Variants in ENPP2 observed in about 807,000 individuals in gnomAD.
The protein encoded by ENPP2 is ectonucleotide pyrophosphatase/phosphodiesterase 2.
ENPP2 carries 51 observed loss-of-function variants against 120.2 expected under a neutral mutation model. The observed-to-expected ratio is 0.42, with a 90% CI of 0.34 to 0.54. ENPP2 has a LOEUF of 0.54. ENPP2 is among the 20% of genes least tolerant of loss of function. ENPP2 has a pLI of 0.04. For missense variants in ENPP2, 920 were observed against 1,066.5 expected, an observed-to-expected ratio of 0.86 and a Z score of 1.91; for synonymous variants, 365 against 366.4, an observed-to-expected ratio of 1.00 and a Z score of 0.04.
exon 1 of ENPP2, chr8:119,673,363 G>C: frequency 6.9e-7 from 1 of 1,455,564 alleles, no homozygotes; most frequent in Non-Finnish European, 9.3e-7. Context: ...GCTCGGGACG[G>C]CTGCTGCGGA....
chr8:119,646,600 T>C (rs916827878), intron 1 of ENPP2, among the ~76,000 whole-genome samples: 1 of 152,188 alleles, frequency 6.6e-6, no homozygotes, highest in Non-Finnish European at 1.5e-5. Context: ...TGTGAGACCT[T>C]ATATGACCCT....
In ENPP2 at chr8:119,606,646, C is replaced by T. The variant is rs149286681; in HGVS notation, c.833+1276G>A. Among the ~76,000 whole-genome samples, 1,485 of 151,186 alleles carry T rather than the reference C, an allele frequency of 9.8e-3. 19 individuals are homozygous for T. The highest frequency in any genetic ancestry group is 0.034 in the African/African-American group (1,395 of 41,218). On this transcript the variant is annotated intron_variant, in intron 9 of 24. Coordinates refer to ENST00000075322, the MANE Select transcript of ENPP2 (RefSeq NM_001040092.3). ...GAAAGAAAGAAATCTCTTAAAGGGACAGTGTGTGCTAGATTCAAATCACCA... is the reference window on the plus strand; with the variant it reads ...GAAAGAAAGAAATCTCTTAAAGGGATAGTGTGTGCTAGATTCAAATCACCA...
chr8:119,643,636 A>C (rs1198031294), upstream of ENPP2, among the ~76,000 whole-genome samples: 1 of 152,254 alleles, frequency 6.6e-6, no homozygotes. Flanking sequence ...AGCTTCTACA[A>C]GGTACCAAGC....
chr8:119,567,924 T>A (rs1814613814), intron 22 of ENPP2, among the ~76,000 whole-genome samples: 1 of 152,214 alleles, frequency 6.6e-6, no homozygotes, highest in East Asian at 1.9e-4. Flanking sequence ...AATTTCTTAA[T>A]TATAAACCGG....
At chr8:119,581,972 A>G (rs1812776988) in intron 18 of ENPP2, among the ~76,000 whole-genome samples, 1 of 151,964 alleles carries the variant, frequency 6.6e-6, no homozygotes, top group Non-Finnish European at 1.5e-5. Context: ...ACCTCAATTC[A>G]TCCACCCATC....
intron 1 of ENPP2, among the ~76,000 whole-genome samples, chr8:119,644,934 G>A (rs888269411): frequency 1.3e-5 from 2 of 151,828 alleles, no homozygotes. Context: ...CCACATGAAG[G>A]TTTTCATTTT....
rs773569075 is a variant in ENPP2, at chr8:119,616,272, C to A, written c.770G>T (p.Gly257Val). ...REKFNHRWWG[G>V]QPLWITATKQ... is the part of the protein sequence containing the mutation. ...AATAAATGCAAAACTTACCGGTTGA[C>A]CTCCCCACCATCTATGATTAAATTT... The change falls in exon 8 of 25, where the codon GGT becomes GTT. Residue 257 changes from glycine (G) to valine (V), a missense_variant. Gly to Val is a moderately radical substitution (Grantham distance 109). Transcript: ENST00000075322. 1 of 1,601,278 alleles carries A rather than the reference C, an allele frequency of 6.2e-7. No homozygotes were observed. The highest frequency in any genetic ancestry group is 8.5e-7 in the Non-Finnish European group (1 of 1,171,218).
chr8:119,611,343 A>G (rs1234945979), intron 8 of ENPP2, among the ~76,000 whole-genome samples: 1 of 152,206 alleles, frequency 6.6e-6, no homozygotes, highest in African/African-American at 2.4e-5. Context: ...ATTCTAGGAG[A>G]CCAGGGGATC....
chr8:119,613,354 A>G (rs1815242765), intron 8 of ENPP2, among the ~76,000 whole-genome samples: 1 of 152,232 alleles, frequency 6.6e-6, no homozygotes, highest in Non-Finnish European at 1.5e-5. Context: ...GAAGACGCCT[A>G]TTTAGATTCA....
intron 1 of ENPP2, among the ~76,000 whole-genome samples, chr8:119,657,075 C>T (rs1817784313): frequency 6.6e-6 from 1 of 151,960 alleles, no homozygotes; most frequent in African/African-American, 2.4e-5. Flanking sequence ...TTACAGGCAC[C>T]CACCATGCCC....
At chr8:119,618,252 G>A in intron 5 of ENPP2, 2 of 492,498 alleles carry the variant, frequency 4.1e-6, no homozygotes, top group South Asian at 3.0e-5. Context: ...CCGGGGATGT[G>A]CTTCTTGGGA....
At chr8:119,610,122 T>C (rs886153178) in intron 8 of ENPP2, among the ~76,000 whole-genome samples, 2 of 152,206 alleles carry the variant, frequency 1.3e-5, no homozygotes, top group African/African-American at 4.8e-5. Flanking sequence ...TTTATATTTT[T>C]CTGTACTTTC....
chr8:119,606,525 C>T (rs1814729525), intron 9 of ENPP2, among the ~76,000 whole-genome samples: 1 of 151,906 alleles, frequency 6.6e-6, no homozygotes, highest in African/African-American at 2.4e-5. Context: ...TAGGATAACA[C>T]TGGTAAATCA....
intron 11 of ENPP2, among the ~76,000 whole-genome samples, chr8:119,599,264 G>C (rs531608734): frequency 6.6e-6 from 1 of 152,156 alleles, no homozygotes; most frequent in Non-Finnish European, 1.5e-5. Context: ...GTGGTTTTAC[G>C]TAGCTATTAG....
intron 15 of ENPP2, 62 bp downstream of exon 15, chr8:119,586,124 T>G (rs1407845323): frequency 1.3e-6 from 2 of 1,547,042 alleles, no homozygotes; most frequent in Non-Finnish European, 1.8e-6. Context: ...GATAAAATAT[T>G]TCCAGTTGCC....
chr8:119,613,047 A>T (rs1287175928), intron 8 of ENPP2, among the ~76,000 whole-genome samples: 1 of 152,208 alleles, frequency 6.6e-6, no homozygotes, highest in East Asian at 1.9e-4. Flanking sequence ...AATCCCATTC[A>T]TTCCTCCCAT....
At chr8:119,569,543 C>G (rs1024501191) in intron 20 of ENPP2, among the ~76,000 whole-genome samples, 173 bp from the exon 21 acceptor site, 1 of 151,932 alleles carries the variant, frequency 6.6e-6, no homozygotes, top group Non-Finnish European at 1.5e-5. Flanking sequence ...GTTTTAAGTA[C>G]AGTAAGCCAC....
upstream of ENPP2, among the ~76,000 whole-genome samples, chr8:119,639,601 G>T (rs1817203840): frequency 6.6e-6 from 1 of 152,004 alleles, no homozygotes; most frequent in Non-Finnish European, 1.5e-5. Flanking sequence ...AGCTTGTTTC[G>T]GGCGGGGCGG....
Position 119,593,797 on chromosome 8 carries a change from G to C in ENPP2, c.1036C>G (p.Leu346Val). Residue 346 changes from leucine (L) to valine (V), a missense_variant, in exon 12 of 25, where the codon CTA becomes GTA. Physicochemically the swap from Leu to Val is conservative, Grantham distance 32. Coordinates refer to ENST00000075322, the MANE Select transcript of ENPP2 (RefSeq NM_001040092.3). ...VGQLMDGLKQ[L>V]KLHRCVNVIF... ...ACGTTGACACACCGATGCAGTTTTA[G>C]TTGTTTCAGTCCATCCATTAATTGC... The C allele has an allele frequency of 6.2e-7, 1 of 1,613,526 alleles. No homozygotes were observed. The highest frequency in any genetic ancestry group is 8.5e-7 in the Non-Finnish European group (1 of 1,179,466).
Sources: gnomAD v4.1 joint callset for allele counts (sites outside exome capture counted in the v4.1 genomes callset) on GRCh38, gnomAD v4.1.1 for gene constraint, MANE v1.5 for transcripts, NCBI Gene and HGNC (gene_info 2026-07-23, HGNC 2026-07-21) for gene names.